Variants in PHYHD1 observed in about 807,000 individuals in gnomAD.
PHYHD1 encodes the protein phytanoyl-CoA dioxygenase domain-containing protein 1.
A neutral mutation model predicts 43.6 loss-of-function variants in PHYHD1; 42 were observed. The observed-to-expected ratio is 0.96, with a 90% CI of 0.75 to 1.25. PHYHD1 has a LOEUF of 1.25. PHYHD1 is among the 50% of genes most tolerant of loss of function. PHYHD1 has a pLI of 0.00. For missense variants in PHYHD1, 342 were observed against 370.8 expected, an observed-to-expected ratio of 0.92 and a Z score of 0.64; for synonymous variants, 139 against 143.6, an observed-to-expected ratio of 0.97 and a Z score of 0.23.
intron 4 of PHYHD1, among the ~76,000 whole-genome samples, chr9:128,928,427 G>A (rs1048436859): frequency 6.6e-6 from 1 of 152,106 alleles, no homozygotes; most frequent in Non-Finnish European, 1.5e-5. Flanking sequence ...TATTGGCCGG[G>A]CGCAGTGACT....
intron 4 of PHYHD1, among the ~76,000 whole-genome samples, chr9:128,928,910 G>GT (rs1463391625): frequency 5.3e-5 from 8 of 152,258 alleles, no homozygotes; most frequent in African/African-American, 1.9e-4. Context: ...TTACAACACT[G>GT]TAAGTTGGAT....
At chr9:128,925,885 C>T (rs1320603816) in intron 3 of PHYHD1, among the ~76,000 whole-genome samples, 1 of 152,168 alleles carries the variant, frequency 6.6e-6, no homozygotes, top group Non-Finnish European at 1.5e-5. Flanking sequence ...TGAAATGTCA[C>T]TCCCTCAGCG....
rs1263478295 is a variant in PHYHD1, at chr9:128,940,587, C to G, written c.587-12C>G. ...AAAGGAGGAGTTTAAGGCTCTCCAT[C>G]TTGGCCTGCAGGTGGTGTGTCAAGA... On this transcript the variant is annotated splice_polypyrimidine_tract_variant and intron_variant, in intron 10 of 12. Transcript: ENST00000372592. 6.2e-7 allele frequency: 1 copy of G among 1,614,018 alleles called. No homozygotes were observed. The highest frequency in any genetic ancestry group is 8.5e-7 in the Non-Finnish European group (1 of 1,180,000).
chr9:128,934,075 G>C lies in PHYHD1; in HGVS notation c.316+17G>C. Reference sequence around the variant, plus strand: ...TTGGCCACGGTGAGCAGGGGCTTGGGGGTACAGGAAAGAAGATCGGGGAAC... The same window carrying C: ...TTGGCCACGGTGAGCAGGGGCTTGGCGGTACAGGAAAGAAGATCGGGGAAC... On this transcript the variant is annotated intron_variant, in intron 6 of 12. Transcript: ENST00000372592. 3 of 1,612,166 alleles carry C rather than the reference G, an allele frequency of 1.9e-6. No individual in the cohort carries two copies. The highest frequency in any genetic ancestry group is 2.5e-6 in the Non-Finnish European group (3 of 1,178,494).
rs2131123098 is a variant in PHYHD1, at chr9:128,942,022, A to C, written c.*309A>C. 51 of 426,496 alleles carry C rather than the reference A, an allele frequency of 1.2e-4. No individual in the cohort carries two copies. Among genetic ancestry groups the C allele is most frequent in the Non-Finnish European group, 1.2e-4 (28 of 235,458 alleles). The allele number at this position is 426,496 out of a possible 1,614,324, so 26.4% of individuals were successfully genotyped here. A position where few individuals can be genotyped will look rare whatever the true frequency, so the allele number is the denominator to read the frequency against. ...ATTATGGTGTTAGTTATCGAATAAA[A>C]ACGACTTCAGAATGCAGCTTCCCTA... On this transcript the variant is annotated 3_prime_UTR_variant, in exon 13 of 13. Coordinates refer to ENST00000372592, the MANE Select transcript of PHYHD1 (RefSeq NM_001100876.2).
chr9:128,928,014 C>T (rs1041284191), intron 4 of PHYHD1, among the ~76,000 whole-genome samples: 1 of 152,224 alleles, frequency 6.6e-6, no homozygotes, highest in African/African-American at 2.4e-5. Flanking sequence ...TCTCCCACAC[C>T]GTTCTCTTGA....
At chr9:128,930,999 T>A (rs990145543) in intron 4 of PHYHD1, among the ~76,000 whole-genome samples, 2 of 150,914 alleles carry the variant, frequency 1.3e-5, no homozygotes, top group Non-Finnish European at 1.5e-5. Context: ...AAAATGGAGA[T>A]TATAGTAGAC....
intron 4 of PHYHD1, among the ~76,000 whole-genome samples, chr9:128,929,242 G>C (rs13287055): frequency 2.1e-3 from 314 of 151,252 alleles, no homozygotes; most frequent in Middle Eastern, 7.0e-3. Flanking sequence ...GAGGCAGAAG[G>C]ATCACTTGGG....
At chr9:128,922,806 A>T (rs1423761781) in intron 3 of PHYHD1, among the ~76,000 whole-genome samples, 1 of 152,246 alleles carries the variant, frequency 6.6e-6, no homozygotes, top group Non-Finnish European at 1.5e-5. Context: ...ATATTTTCGT[A>T]TACAGCTCTA....
chr9:128,933,716 C>G (rs747216854), intron 4 of PHYHD1, 66 bp from the exon 5 acceptor site: 1 of 1,542,808 alleles, frequency 6.5e-7, no homozygotes, highest in African/African-American at 1.4e-5. Flanking sequence ...ATCCGCCTCC[C>G]TCTTTGCCAG....
rs148112447 is a variant in PHYHD1 at position 128,937,078 on chromosome 9, G to A, written c.435+433G>A. The stretch of plus-strand genomic sequence containing the variant: ...TACAGTGAGTGGAGATCACGCCAAT[G>A]TACTCTAGCCTGGGGGATAGAGCAA... On this transcript the variant is annotated intron_variant, in intron 8 of 12. Coordinates refer to ENST00000372592, the MANE Select transcript of PHYHD1 (RefSeq NM_001100876.2). Among the ~76,000 whole-genome samples the A allele has an allele frequency of 2.7e-3, 409 of 151,928 alleles. 2 individuals are homozygous for A. The highest frequency in any genetic ancestry group is 0.015 in the East Asian group (76 of 5,142).
Position 128,927,104 on chromosome 9 carries a change from C to T in PHYHD1, c.100C>T (p.Gln34Ter). The part of the protein sequence containing the change: ...LSAEECVAMQ[Q>*]RIGEIVAEMD... ...TGCGGAAGAGTGTGTGGCCATGCAA[C>T]AAAGGATTGGCGAGATAGTGGCTGA... The change falls in exon 4 of 13, where the codon CAA becomes TAA. Residue 34 changes from glutamine to a stop codon, truncating the protein, a stop_gained. Coordinates refer to ENST00000372592, the MANE Select transcript of PHYHD1 (RefSeq NM_001100876.2). LOFTEE classifies it high-confidence loss of function. 2 of 1,614,132 alleles carry T rather than the reference C, an allele frequency of 1.2e-6. No individual in the cohort carries two copies. Among genetic ancestry groups the T allele is most frequent in the Non-Finnish European group, 1.7e-6 (2 of 1,180,016 alleles).
rs1229358865 is a variant in PHYHD1 at position 128,941,570 on chromosome 9, T to C, written c.829T>C (p.Trp277Arg). The C allele has an allele frequency of 1.2e-6, 2 of 1,614,116 alleles. No individual in the cohort carries two copies. The highest frequency in any genetic ancestry group is 1.7e-6 in the Non-Finnish European group (2 of 1,180,012). The change falls in exon 12 of 13, where the codon TGG becomes CGG. Residue 277 changes from tryptophan (W) to arginine (R), a missense_variant and splice_region_variant. Trp to Arg is a moderately radical substitution (Grantham distance 101). Transcript: ENST00000372592. Reference sequence around the variant, plus strand: ...TGGCACCACCTGGAGCCCGGAGAACTGGTAGGTGACAGGGTGGGTGTGTGT... The same window carrying C: ...TGGCACCACCTGGAGCCCGGAGAACCGGTAGGTGACAGGGTGGGTGTGTGT... ...ASGTTWSPEN[W>R]LQPTAELPFP...
In PHYHD1 at chr9:128,932,820, CTTATTTATTTATTTAT is replaced by C. The variant is rs36079303; in HGVS notation, c.193-935_193-920del. ...TGGTTGGTCAGTTCTATTATTATTCCTTATTTATTTATTTATTTATTTATTTATTTATTTATTTATT... is the reference window on the plus strand; with the variant it reads ...TGGTTGGTCAGTTCTATTATTATTCCTTATTTATTTATTTATTTATTTATT... On this transcript the variant is annotated intron_variant, in intron 4 of 12. Coordinates refer to ENST00000372592, the MANE Select transcript of PHYHD1 (RefSeq NM_001100876.2). Among the ~76,000 whole-genome samples, 64 of 141,910 alleles carry C rather than the reference CTTATTTATTTATTTAT, an allele frequency of 4.5e-4. No individual in the cohort carries two copies. The East Asian group carries it at 7.3e-3, about 16-fold the overall frequency. 93.1% of individuals were successfully genotyped at this position (141,910 alleles called of 152,430 possible). A position where few individuals can be genotyped will look rare whatever the true frequency, so the allele number is the denominator to read the frequency against.
chr9:128,932,516 C>T (rs1392204262), intron 4 of PHYHD1, among the ~76,000 whole-genome samples: 1 of 151,608 alleles, frequency 6.6e-6, no homozygotes, highest in Non-Finnish European at 1.5e-5. Flanking sequence ...TACAGGCATG[C>T]GCCACCATGC....
At chr9:128,930,279 CAAAAAAA>C (rs771000299) in intron 4 of PHYHD1, among the ~76,000 whole-genome samples, 1 of 92,228 alleles carries the variant, frequency 1.1e-5, no homozygotes, top group African/African-American at 4.1e-5. Context: ...AACCCTGTCT[CAAAAAAA>C]AAAAAAAAAT....
rs1057248799 is a variant in PHYHD1 at position 128,921,347 on chromosome 9, C to G, written c.-481C>G. 13 of 152,086 alleles carry G rather than the reference C, an allele frequency of 8.5e-5. No individual in the cohort carries two copies. Among genetic ancestry groups the G allele is most frequent in the Admixed American group, 6.6e-4 (10 of 15,252 alleles). 9.4% of individuals were successfully genotyped at this position (152,086 alleles called of 1,614,324 possible). On this transcript the variant is annotated 5_prime_UTR_variant, in exon 1 of 13. Transcript: ENST00000372592. ...CGAGTCTCGCTCTGTCGCCCAGGCT[C>G]TAGTGCAGTGGCCCAATCTCGGCTC...
At chr9:128,930,948 CAAA>C (rs759485070) in intron 4 of PHYHD1, among the ~76,000 whole-genome samples, 2 of 57,092 alleles carry the variant, frequency 3.5e-5, no homozygotes, top group Non-Finnish European at 7.4e-5. Flanking sequence ...GACTCTGTCT[CAAA>C]AAAAAAAAAA....
At position 128,940,413 on chromosome 9, in the gene PHYHD1, G is replaced by C; in HGVS notation, c.502G>C (p.Gly168Arg). 6.2e-7 allele frequency: 1 copy of C among 1,614,160 alleles called. No homozygotes were observed. The highest frequency in any genetic ancestry group is 8.5e-7 in the Non-Finnish European group (1 of 1,180,036). ...CTCCTTCCTGTACACGGAGCCCCTG[G>C]GCCGGGTGCTGGGCGTGTGGATCGC... ...DASFLYTEPL[G>R]RVLGVWIAVE... The change falls in exon 10 of 13, where the codon GGC (glycine) becomes CGC (arginine). Residue 168 changes from glycine to arginine, a missense_variant. Gly to Arg is a moderately radical substitution (Grantham distance 125). Coordinates refer to ENST00000372592, the MANE Select transcript of PHYHD1 (RefSeq NM_001100876.2).
Sources: gnomAD v4.1 joint callset for allele counts (sites outside exome capture counted in the v4.1 genomes callset) on GRCh38, gnomAD v4.1.1 for gene constraint, MANE v1.5 for transcripts, NCBI Gene and HGNC (gene_info 2026-07-23, HGNC 2026-07-21) for gene names.